Variants in CLIC5 observed in about 807,000 individuals in gnomAD.
CLIC5 encodes chloride intracellular channel protein 5.
In CLIC5, 20 loss-of-function variants were observed where a neutral mutation model predicts 24.7. The observed-to-expected ratio is 0.81, with a 90% CI of 0.57 to 1.18. The LOEUF (loss-of-function observed/expected upper bound fraction) is 1.18, where lower values mean the gene tolerates loss of function less well. CLIC5 is among the 50% of genes most tolerant of loss of function. CLIC5 has a pLI of 0.00. For missense variants in CLIC5, 341 were observed against 326.1 expected, an observed-to-expected ratio of 1.05 and a Z score of -0.35; for synonymous variants, 159 against 135.6, an observed-to-expected ratio of 1.17 and a Z score of -1.20.
At chr6:45,925,853 G>A (rs1308482901) in intron 4 of CLIC5, among the ~76,000 whole-genome samples, 5 of 152,010 alleles carry the variant, frequency 3.3e-5, no homozygotes, top group Non-Finnish European at 5.9e-5. Flanking sequence ...AATTAGTTTG[G>A]CCTGAGATAC....
At chr6:46,126,080 A>T in the CLIC5 span, among the ~76,000 whole-genome samples, 2 of 152,248 alleles carry the variant, frequency 1.3e-5, no homozygotes, top group South Asian at 4.1e-4. Flanking sequence ...TAAAAATCCC[A>T]TGTCCCAGGA....
chr6:46,061,798 C>A (rs1762291266), intron 1 of CLIC5, among the ~76,000 whole-genome samples: 3 of 152,204 alleles, frequency 2.0e-5, no homozygotes, highest in Admixed American at 6.5e-5. Context: ...AGTGTGAATA[C>A]TTTTCTCCAA....
the CLIC5 span, among the ~76,000 whole-genome samples, chr6:46,102,971 G>A: frequency 2.0e-5 from 3 of 152,134 alleles, no homozygotes; most frequent in African/African-American, 7.2e-5. Flanking sequence ...AATATAGCAT[G>A]GGATATCCAG....
chr6:45,903,806 G>T (rs1193773984), intron 5 of CLIC5, among the ~76,000 whole-genome samples: 1 of 152,082 alleles, frequency 6.6e-6, no homozygotes, highest in Admixed American at 6.5e-5. Context: ...ATGTCTGATT[G>T]ATAGAATTAC....
intron 1 of CLIC5, among the ~76,000 whole-genome samples, chr6:45,984,621 C>G (rs866909661): frequency 6.6e-6 from 1 of 152,222 alleles, no homozygotes; most frequent in African/African-American, 2.4e-5. Flanking sequence ...CCAGGATGCT[C>G]TCCCCTGGTC....
intron 1 of CLIC5, among the ~76,000 whole-genome samples, chr6:46,053,658 C>G (rs1768165560): frequency 6.6e-6 from 1 of 152,114 alleles, no homozygotes; most frequent in Non-Finnish European, 1.5e-5. Flanking sequence ...TGGAAAACAC[C>G]AGGCAATGCT....
chr6:45,938,369 G>C (rs186765464), intron 4 of CLIC5, among the ~76,000 whole-genome samples: 2 of 152,300 alleles, frequency 1.3e-5, no homozygotes, highest in East Asian at 3.9e-4. Flanking sequence ...TTTGGACCCA[G>C]TTGACCACAA....
In CLIC5 at chr6:45,941,583, C is replaced by T; in HGVS notation, c.370G>A (p.Ala124Thr). 2.5e-6 allele frequency: 4 copies of T among 1,613,776 alleles called. No individual in the cohort carries two copies. Among genetic ancestry groups the T allele is most frequent in the Non-Finnish European group, 3.4e-6 (4 of 1,179,856 alleles). ...AGIDIFSKFS[A>T]YIKNTKQQNN... Reference sequence around the variant, plus strand: ...TGCTGCTTGGTATTTTTGATGTAGGCAGAAAACTTGGAAAAGATGTCGATG... The same window carrying T: ...TGCTGCTTGGTATTTTTGATGTAGGTAGAAAACTTGGAAAAGATGTCGATG... Residue 124 changes from alanine to threonine, a missense_variant, in exon 4 of 6, where the codon GCC becomes ACC. Physicochemically the swap from Ala to Thr is moderately conservative, Grantham distance 58. Coordinates refer to ENST00000339561, the MANE Select transcript of CLIC5 (RefSeq NM_016929.5).
chr6:46,092,044 G>A, the CLIC5 span, among the ~76,000 whole-genome samples: 1 of 152,210 alleles, frequency 6.6e-6, no homozygotes, highest in African/African-American at 2.4e-5. Context: ...TTTGATGATA[G>A]CCATTCTAGC....
chr6:45,987,325 C>T (rs1441943511), intron 1 of CLIC5, among the ~76,000 whole-genome samples: 1 of 152,164 alleles, frequency 6.6e-6, no homozygotes, highest in Non-Finnish European at 1.5e-5. Context: ...TTGGTGTGCA[C>T]ACCTAAGCTC....
At chr6:45,916,962 T>G (rs945925764) in intron 4 of CLIC5, among the ~76,000 whole-genome samples, 16 of 152,166 alleles carry the variant, frequency 1.1e-4, no homozygotes, top group Non-Finnish European at 2.4e-4. Context: ...GGGAAAGGAC[T>G]GCAAGGCCTG....
intron 1 of CLIC5, among the ~76,000 whole-genome samples, chr6:45,970,372 A>C (rs977636396): frequency 2.0e-5 from 3 of 152,202 alleles, no homozygotes; most frequent in East Asian, 3.8e-4. Context: ...TTGAAAAAAA[A>C]TCAATTTGAA....
chr6:46,103,570 T>C, the CLIC5 span, among the ~76,000 whole-genome samples: 1 of 152,160 alleles, frequency 6.6e-6, no homozygotes. Flanking sequence ...CCTCCCATAA[T>C]GCATTTTGCC....
At chr6:45,934,378 A>G (rs887524014) in intron 4 of CLIC5, 3 of 152,154 alleles carry the variant, frequency 2.0e-5, no homozygotes. Context: ...AAGGCCCCCC[A>G]AGACAGAGGA....
chr6:45,994,801 T>G (rs1256472750), intron 1 of CLIC5, among the ~76,000 whole-genome samples: 1 of 152,118 alleles, frequency 6.6e-6, no homozygotes, highest in Non-Finnish European at 1.5e-5. Context: ...TGCTGAAGCT[T>G]CCTTGACACT....
intron 4 of CLIC5, among the ~76,000 whole-genome samples, chr6:45,930,232 C>T (rs1305121370): frequency 6.6e-6 from 1 of 152,112 alleles, no homozygotes; most frequent in East Asian, 1.9e-4. Context: ...TAGTTCTAGG[C>T]TAACAGCCCT....
At chr6:46,105,481 T>C in the CLIC5 span, among the ~76,000 whole-genome samples, 1 of 152,210 alleles carries the variant, frequency 6.6e-6, no homozygotes. Flanking sequence ...ATGTGCTTGG[T>C]TCCTCTGTTC....
intron 1 of CLIC5, among the ~76,000 whole-genome samples, chr6:45,991,365 T>C (rs1765936790): frequency 6.6e-6 from 1 of 152,186 alleles, no homozygotes; most frequent in Admixed American, 6.5e-5. Flanking sequence ...CTCTAGGGGC[T>C]GAGGGCCTCA....
intron 1 of CLIC5, among the ~76,000 whole-genome samples, chr6:46,069,498 A>G (rs1762531066): frequency 6.6e-6 from 1 of 152,158 alleles, no homozygotes; most frequent in Non-Finnish European, 1.5e-5. Context: ...ACACCCTCCC[A>G]AGACTGAACC....
Sources: allele counts gnomAD v4.1 joint callset (sites outside exome capture counted in the v4.1 genomes callset), GRCh38; gene constraint gnomAD v4.1.1; transcripts MANE v1.5; gene names NCBI Gene and HGNC (gene_info 2026-07-23, HGNC 2026-07-21).